Variants in NLGN1 observed in about 807,000 individuals in gnomAD.
NLGN1 encodes the protein neuroligin 1, also known as neuroligin-1.
Under a neutral mutation model 65.5 loss-of-function variants are expected in NLGN1, and 12 were observed. The observed-to-expected ratio is 0.18, with a 90% CI of 0.12 to 0.30. NLGN1 has a LOEUF of 0.30. NLGN1 is among the 10% of genes least tolerant of loss of function. The pLI, the probability that NLGN1 is intolerant of heterozygous loss-of-function variation, is 1.00. For synonymous variants in NLGN1, 350 were observed against 359.5 expected, an observed-to-expected ratio of 0.97 and a Z score of 0.30; for missense variants, 750 against 1,007.1, an observed-to-expected ratio of 0.74 and a Z score of 3.46.
intron 2 of NLGN1, among the ~76,000 whole-genome samples, chr3:173,454,616 G>C (rs1722211858): frequency 6.6e-6 from 1 of 152,158 alleles, no homozygotes; most frequent in African/African-American, 2.4e-5. Context: ...ATTTCTCCAT[G>C]CTTCCAACTT....
chr3:173,639,856 T>TCTTC (rs910183526), intron 3 of NLGN1, among the ~76,000 whole-genome samples: 1 of 152,240 alleles, frequency 6.6e-6, no homozygotes, highest in East Asian at 1.9e-4. Context: ...TGTGGAGTCT[T>TCTTC]CTTCCTTCCT....
chr3:173,980,173 G>A (rs1272220814), intron 4 of NLGN1, among the ~76,000 whole-genome samples: 3 of 151,828 alleles, frequency 2.0e-5, no homozygotes, highest in East Asian at 1.9e-4. Context: ...TTATTCTAAA[G>A]CATTAACATA....
At chr3:173,995,060 C>T (rs898834647) in intron 4 of NLGN1, among the ~76,000 whole-genome samples, 1 of 152,160 alleles carries the variant, frequency 6.6e-6, no homozygotes, top group African/African-American at 2.4e-5. Flanking sequence ...TTCATTTTTC[C>T]TGCTGCTAGT....
At chr3:173,949,572 CTGAATG>C (rs1362130166) in intron 4 of NLGN1, among the ~76,000 whole-genome samples, 4 of 152,100 alleles carry the variant, frequency 2.6e-5, no homozygotes, top group Non-Finnish European at 5.9e-5. Context: ...TACTTTCAGA[CTGAATG>C]TGATGAATTG....
At chr3:173,514,925 A>G (rs1422178722) in intron 2 of NLGN1, among the ~76,000 whole-genome samples, 1 of 152,184 alleles carries the variant, frequency 6.6e-6, no homozygotes, top group Non-Finnish European at 1.5e-5. Flanking sequence ...AGACATCTAG[A>G]TTGTTTTACA....
chr3:174,022,879 T>C (rs1728044423), intron 4 of NLGN1, among the ~76,000 whole-genome samples: 1 of 152,136 alleles, frequency 6.6e-6, no homozygotes, highest in African/African-American at 2.4e-5. Context: ...TAATGGTCTC[T>C]TTTAGAGCTG....
At chr3:173,564,547 T>C (rs1743319815) in intron 2 of NLGN1, among the ~76,000 whole-genome samples, 1 of 152,210 alleles carries the variant, frequency 6.6e-6, no homozygotes, top group Non-Finnish European at 1.5e-5. Flanking sequence ...AGTGATCTTC[T>C]GACTGAGCAT....
intron 2 of NLGN1, among the ~76,000 whole-genome samples, chr3:173,514,796 A>G (rs755356804): frequency 2.6e-4 from 40 of 152,274 alleles, no homozygotes; most frequent in Non-Finnish European, 4.9e-4. Flanking sequence ...ACTTAGTACA[A>G]TGTCCTTACT....
intron 3 of NLGN1, among the ~76,000 whole-genome samples, chr3:173,650,290 CA>C (rs1443270366): frequency 6.6e-6 from 1 of 152,004 alleles, no homozygotes; most frequent in East Asian, 1.9e-4. Context: ...TTTGCCTTTC[CA>C]AATGATGGCA....
chr3:174,167,833 T>C (rs2152729068), intron 4 of NLGN1, among the ~76,000 whole-genome samples: 1 of 151,882 alleles, frequency 6.6e-6, no homozygotes, highest in Non-Finnish European at 1.5e-5. Flanking sequence ...CTCTCAGAAA[T>C]GCCAATAATT....
chr3:173,823,815 A>G (rs571276010), intron 4 of NLGN1, among the ~76,000 whole-genome samples: 1 of 152,112 alleles, frequency 6.6e-6, no homozygotes, highest in Admixed American at 6.6e-5. Context: ...GTATTTATAA[A>G]TTATATACAT....
In NLGN1 at chr3:173,519,261, C is replaced by G. The variant is rs78192100; in HGVS notation, c.-321+84183C>G. 1.0e-3 allele frequency among the ~76,000 whole-genome samples: 153 copies of G among 152,344 alleles called. 2 individuals are homozygous for G. In the East Asian group the frequency reaches 0.027, roughly 27 times the overall value. On this transcript the variant is annotated intron_variant, in intron 2 of 6. Transcript: ENST00000457714. ...GTAGGGCCCTCATGGAGAACCTCTACTAGGGCAGCATGGTGGGGAAATGTG... is the reference window on the plus strand; with the variant it reads ...GTAGGGCCCTCATGGAGAACCTCTAGTAGGGCAGCATGGTGGGGAAATGTG...
At chr3:173,929,297 C>T (rs1274704874) in intron 4 of NLGN1, among the ~76,000 whole-genome samples, 1 of 152,132 alleles carries the variant, frequency 6.6e-6, no homozygotes, top group East Asian at 1.9e-4. Flanking sequence ...ATCTTCTTGT[C>T]ATCAGGGGCT....
rs201802866 is a variant in NLGN1 at position 174,167,593 on chromosome 3, CTTT to C, written c.647-107708_647-107706del. Among the ~76,000 whole-genome samples the C allele has an allele frequency of 6.1e-3, 850 of 140,336 alleles. 4 individuals are homozygous for C. Among genetic ancestry groups the C allele is most frequent in the African/African-American group, 0.016 (615 of 38,334 alleles). The allele number at this position is 140,336 out of a possible 152,430, so 92.1% of individuals were successfully genotyped here. A position where few individuals can be genotyped will look rare whatever the true frequency, so the allele number is the denominator to read the frequency against. ...GTTCCCTTTGTATGTGATCTGCCCC[CTTT>C]TTTTTTTTTTTTTAACCTAGTTGCC... is the stretch of plus-strand genomic sequence containing the variant. On this transcript the variant is annotated intron_variant, in intron 4 of 6. Coordinates refer to ENST00000457714, the Ensembl canonical transcript of NLGN1.
At chr3:174,068,534 T>C (rs1739150391) in intron 4 of NLGN1, among the ~76,000 whole-genome samples, 1 of 152,086 alleles carries the variant, frequency 6.6e-6, no homozygotes. Context: ...GACACCCACT[T>C]TCTAAACCGC....
intron 4 of NLGN1, among the ~76,000 whole-genome samples, chr3:173,880,255 A>G (rs1454798196): frequency 4.6e-5 from 7 of 152,186 alleles, no homozygotes; most frequent in Non-Finnish European, 8.8e-5. Context: ...GAATGTAAAA[A>G]GAAATAAAAT....
chr3:173,714,327 A>C (rs2149964790), intron 3 of NLGN1, among the ~76,000 whole-genome samples: 1 of 152,214 alleles, frequency 6.6e-6, no homozygotes, highest in South Asian at 2.1e-4. Flanking sequence ...CTACTGCAAA[A>C]GTCTTTGGAG....
intron 4 of NLGN1, among the ~76,000 whole-genome samples, chr3:173,971,842 G>A (rs1204271905): frequency 1.3e-5 from 2 of 151,986 alleles, no homozygotes; most frequent in African/African-American, 4.8e-5. Flanking sequence ...ACCAGATAGG[G>A]ACTACAACTG....
At chr3:173,633,048 G>T (rs775264104) in intron 3 of NLGN1, among the ~76,000 whole-genome samples, 1 of 151,716 alleles carries the variant, frequency 6.6e-6, no homozygotes, top group Non-Finnish European at 1.5e-5. Context: ...AGATTAGTGG[G>T]AATTAAAATC....
Sources: allele counts gnomAD v4.1 joint callset (sites outside exome capture counted in the v4.1 genomes callset), GRCh38; gene constraint gnomAD v4.1.1; transcripts MANE v1.5; gene names NCBI Gene and HGNC (gene_info 2026-07-23, HGNC 2026-07-21).